Variants in TBC1D8 observed in about 807,000 individuals in gnomAD.
The protein encoded by TBC1D8 is TBC1 domain family member 8.
TBC1D8 carries 65 observed loss-of-function variants against 118.8 expected under a neutral mutation model. The observed-to-expected ratio is 0.55, with a 90% CI of 0.45 to 0.67. The LOEUF is 0.67. Among genes scored for constraint, TBC1D8 ranks in the 30% least tolerant of loss-of-function variants. The pLI is 0.00. For missense variants in TBC1D8, 1,376 were observed against 1,471.2 expected (o/e 0.94, Z 1.06); for synonymous variants, 566 against 595.8 (o/e 0.95, Z 0.73).
chr2:101,020,029 C>T (rs539539456), intron 17 of TBC1D8, among the ~76,000 whole-genome samples: 2 of 149,548 alleles, frequency 1.3e-5, no homozygotes, highest in Non-Finnish European at 3.0e-5. Context: ...GCCGAGATTG[C>T]GCCACTGCAT....
At chr2:101,084,918 C>T (rs988701105) in intron 2 of TBC1D8, among the ~76,000 whole-genome samples, 5 of 149,780 alleles carry the variant, frequency 3.3e-5, no homozygotes, top group East Asian at 2.0e-4. Context: ...GCTCGATCTC[C>T]GCTCACTGCA....
chr2:101,048,551 C>T (rs1466024256), intron 5 of TBC1D8, among the ~76,000 whole-genome samples: 1 of 152,138 alleles, frequency 6.6e-6, no homozygotes, highest in Non-Finnish European at 1.5e-5. Context: ...TTTGATTTCA[C>T]CTAACTCAGG....
chr2:101,134,191 TCTCTCTCA>T (rs1385289298), intron 1 of TBC1D8, among the ~76,000 whole-genome samples: 24 of 96,224 alleles, frequency 2.5e-4, no homozygotes, highest in Middle Eastern at 4.2e-3. Context: ...TCTCTCTCTC[TCTCTCTCA>T]CACACACACA....
rs1420367662 is a variant in TBC1D8 at position 101,007,445 on chromosome 2, TCTCCCATTGTCA to T, written c.*364_*375del. Among the ~76,000 whole-genome samples, 3 of 152,178 alleles carry T rather than the reference TCTCCCATTGTCA, an allele frequency of 2.0e-5. No homozygotes were observed. Among genetic ancestry groups the T allele is most frequent in the Non-Finnish European group, 4.4e-5 (3 of 68,028 alleles). On this transcript the variant is annotated 3_prime_UTR_variant, in exon 20 of 20. Coordinates refer to ENST00000409318, the MANE Select transcript of TBC1D8 (RefSeq NM_001330348.2). ...TTGAAAGTGAACTTGATTCCTGACC[TCTCCCATTGTCA>T]CTCCAAGTGAAAAATGAAAGCATGG...
At chr2:101,023,658 T>C (rs1335257630) in intron 15 of TBC1D8, 1 of 424,798 alleles carries the variant, frequency 2.4e-6, no homozygotes. Flanking sequence ...GTCTTGGGAA[T>C]AGACTGAAAA....
intron 1 of TBC1D8, among the ~76,000 whole-genome samples, chr2:101,119,036 A>T (rs527363371): frequency 3.9e-5 from 6 of 152,152 alleles, no homozygotes; most frequent in Admixed American, 1.3e-4. Flanking sequence ...AGACTCCACG[A>T]AAGACTCTCA....
At chr2:101,117,169 C>A (rs2104222608) in intron 1 of TBC1D8, among the ~76,000 whole-genome samples, 1 of 152,274 alleles carries the variant, frequency 6.6e-6, no homozygotes. Context: ...AACTCCCCTA[C>A]AGGTTTCAGA....
intron 2 of TBC1D8, among the ~76,000 whole-genome samples, chr2:101,065,755 C>G (rs1477843500): frequency 6.6e-6 from 1 of 152,042 alleles, no homozygotes; most frequent in Non-Finnish European, 1.5e-5. Flanking sequence ...GAAAAACAGA[C>G]AAACTTAATC....
chr2:101,040,283 C>A lies in TBC1D8; in HGVS notation c.975G>T (p.Pro325=). ...HAVVDCSLWT[P]FSRCHTTGRM... ...GCCCCGTGGTGTGACAGCGACTGAA[C>A]GGCGTCCAGAGCGAACAGTCCACAA... Residue 325 remains proline (P), a synonymous_variant, in exon 6 of 20, where the codon CCG becomes CCT. Transcript: ENST00000409318. The A allele has an allele frequency of 6.2e-7, 1 of 1,614,020 alleles. No homozygotes were observed. The highest frequency in any genetic ancestry group is 8.5e-7 in the Non-Finnish European group (1 of 1,179,894).
chr2:101,029,702 C>T lies in TBC1D8; in HGVS notation c.2011G>A (p.Asp671Asn), dbSNP rs150157730. ...GAGACGGACGCCAGGGCTGAGAGGT[C>T]GTTCATGTGCTCTGCCAGCTCTGGG... is the stretch of plus-strand genomic sequence containing the variant. ...HLPELAEHMN[D>N]LSALASVSLS... Residue 671 changes from aspartate (D) to asparagine (N), a missense_variant, in exon 12 of 20, where the codon GAC (aspartate) becomes AAC (asparagine). Transcript: ENST00000409318. 29 of 1,613,976 alleles carry T rather than the reference C, an allele frequency of 1.8e-5. No homozygotes were observed. Among genetic ancestry groups the T allele is most frequent in the African/African-American group, 6.7e-5 (5 of 75,056 alleles).
intron 1 of TBC1D8, among the ~76,000 whole-genome samples, chr2:101,096,922 C>T (rs553154945): frequency 1.1e-4 from 17 of 151,848 alleles, no homozygotes; most frequent in African/African-American, 1.9e-4. Context: ...TCATTTGAAG[C>T]GATAATGGTC....
At chr2:101,066,395 C>A (rs570218550) in intron 2 of TBC1D8, among the ~76,000 whole-genome samples, 2 of 152,086 alleles carry the variant, frequency 1.3e-5, no homozygotes, top group East Asian at 3.9e-4. Flanking sequence ...AAAGACCCAG[C>A]TCAAACCTTT....
intron 1 of TBC1D8, among the ~76,000 whole-genome samples, chr2:101,118,334 T>C (rs1224554370): frequency 2.0e-5 from 3 of 152,306 alleles, no homozygotes; most frequent in South Asian, 2.1e-4. Context: ...GGAATCCACA[T>C]TGGAAAAGAG....
In TBC1D8 at chr2:101,143,553, G is replaced by C. The variant is rs564608550; in HGVS notation, c.127+7574C>G. Reference sequence around the variant, plus strand: ...TTTACATCAAGGTTACCAATAGGTAGTTCTTCCCCCGCCGCCCCTACCCCT... The same window carrying C: ...TTTACATCAAGGTTACCAATAGGTACTTCTTCCCCCGCCGCCCCTACCCCT... On this transcript the variant is annotated intron_variant, in intron 1 of 19. Transcript: ENST00000409318. Among the ~76,000 whole-genome samples the C allele has an allele frequency of 3.3e-5, 5 of 152,216 alleles. No homozygotes were observed. The South Asian group carries it at 1.0e-3, about 32-fold the overall frequency.
At chr2:101,088,664 C>T (rs779598228) in intron 2 of TBC1D8, among the ~76,000 whole-genome samples, 1 of 152,076 alleles carries the variant, frequency 6.6e-6, no homozygotes, top group Non-Finnish European at 1.5e-5. Flanking sequence ...ACTGCAGCCT[C>T]GAACTCGGGT....
intron 10 of TBC1D8, chr2:101,032,673 C>T (rs144021164): frequency 3.5e-4 from 118 of 333,422 alleles, no homozygotes; most frequent in South Asian, 3.5e-3. Flanking sequence ...TCCAGCTATT[C>T]GCTGTTTGTT....
intron 3 of TBC1D8, among the ~76,000 whole-genome samples, chr2:101,056,974 C>A (rs776030008): frequency 6.6e-6 from 1 of 152,192 alleles, no homozygotes; most frequent in South Asian, 2.1e-4. Flanking sequence ...ATGCTGTGCT[C>A]CCAGGCTCAG....
At chr2:101,134,126 G>A (rs1347839475) in intron 1 of TBC1D8, among the ~76,000 whole-genome samples, 2 of 151,928 alleles carry the variant, frequency 1.3e-5, no homozygotes, top group Non-Finnish European at 1.5e-5. Flanking sequence ...TGAATTTGGA[G>A]GGGGGACATA....
intron 17 of TBC1D8, among the ~76,000 whole-genome samples, chr2:101,018,830 A>C (rs1466290284): frequency 6.6e-6 from 1 of 152,170 alleles, no homozygotes; most frequent in African/African-American, 2.4e-5. Context: ...TCTCCCAGGA[A>C]GTTCTCCTCT....
Sources: allele counts gnomAD v4.1 joint callset (sites outside exome capture counted in the v4.1 genomes callset), GRCh38; gene constraint gnomAD v4.1.1; transcripts MANE v1.5; gene names NCBI Gene and HGNC (gene_info 2026-07-23, HGNC 2026-07-21).